Variants in AOAH observed in about 807,000 individuals in gnomAD.
AOAH encodes the protein acyloxyacyl hydrolase (neutrophil).
AOAH carries 64 observed loss-of-function variants against 92.2 expected under a neutral mutation model. That is an observed-to-expected ratio of 0.69 (90% CI 0.57 to 0.86). The LOEUF is 0.86. AOAH is among the 40% of genes least tolerant of loss of function. The probability of loss-of-function intolerance (pLI) is 0.00; values close to 1 mark genes in which losing one functional copy is unlikely to be tolerated. For synonymous variants in AOAH, 263 were observed against 254.5 expected (o/e 1.03, Z -0.32); for missense variants, 656 against 694.6 (o/e 0.94, Z 0.62).
chr7:36,560,258 A>G (rs114416565), intron 13 of AOAH, among the ~76,000 whole-genome samples: 3,629 of 152,230 alleles, frequency 0.024, 134 homozygotes, highest in African/African-American at 0.082. Flanking sequence ...GTTTTTTTAT[A>G]ATTCTGTGAA....
At chr7:36,525,765 A>C (rs192192813) in intron 19 of AOAH, among the ~76,000 whole-genome samples, 1 of 152,340 alleles carries the variant, frequency 6.6e-6, no homozygotes, top group East Asian at 1.9e-4. Context: ...AACATCCCCC[A>C]AAATCCAAAA....
In AOAH at chr7:36,679,476, G is replaced by C. The variant is rs1027594404; in HGVS notation, c.224-5467C>G. The stretch of plus-strand genomic sequence containing the variant: ...ACTCCAAAAGGTCTTGTTATTTGTA[G>C]TATACATTTCAATGTGCTTAGGACA... On this transcript the variant is annotated intron_variant, in intron 2 of 20. Coordinates refer to ENST00000617537, the MANE Select transcript of AOAH (RefSeq NM_001637.4). 2.0e-5 allele frequency among the ~76,000 whole-genome samples: 3 copies of C among 149,754 alleles called. No homozygotes were observed. The East Asian group carries it at 6.0e-4, about 30-fold the overall frequency.
chr7:36,650,769 A>G (rs371988217), intron 4 of AOAH, among the ~76,000 whole-genome samples: 1 of 152,176 alleles, frequency 6.6e-6, no homozygotes, highest in East Asian at 1.9e-4. Context: ...TTTTTACTAA[A>G]CAAATCTTAC....
At chr7:36,685,666 G>T (rs1176436441) in intron 2 of AOAH, among the ~76,000 whole-genome samples, 1 of 152,202 alleles carries the variant, frequency 6.6e-6, no homozygotes, top group Non-Finnish European at 1.5e-5. Flanking sequence ...TTCTAGGGAG[G>T]TGGGGCAGGG....
At chr7:36,620,571 G>A (rs889330097) in intron 9 of AOAH, among the ~76,000 whole-genome samples, 1 of 152,148 alleles carries the variant, frequency 6.6e-6, no homozygotes, top group African/African-American at 2.4e-5. Context: ...GGCTTAAAGG[G>A]GCCATGACTG....
intron 15 of AOAH, among the ~76,000 whole-genome samples, chr7:36,545,532 A>G (rs767481918): frequency 1.3e-5 from 2 of 152,202 alleles, no homozygotes; most frequent in African/African-American, 2.4e-5. Context: ...TCAACTGCCC[A>G]GGGTGTAACC....
chr7:36,623,091 G>A, intron 7 of AOAH, 99 bp downstream of exon 7: 2 of 962,566 alleles, frequency 2.1e-6, no homozygotes, highest in Non-Finnish European at 3.3e-6. Context: ...AATTAATAAT[G>A]CATTCAAATG....
At chr7:36,540,538 G>A in intron 15 of AOAH, 47 bp from the exon 16 acceptor site, 1 of 1,536,582 alleles carries the variant, frequency 6.5e-7, no homozygotes, top group South Asian at 1.2e-5. Context: ...TGTAAGGATA[G>A]ATGCATGCAA....
chr7:36,683,360 T>C (rs1796762190), intron 2 of AOAH, among the ~76,000 whole-genome samples: 1 of 152,172 alleles, frequency 6.6e-6, no homozygotes, highest in African/African-American at 2.4e-5. Context: ...GTGGTGAACA[T>C]TAATCATACA....
At chr7:36,626,315 C>G (rs1792660389) in intron 6 of AOAH, among the ~76,000 whole-genome samples, 1 of 152,182 alleles carries the variant, frequency 6.6e-6, no homozygotes, top group South Asian at 2.1e-4. Flanking sequence ...CCTTTGTTAT[C>G]TTGGGGGTGA....
chr7:36,582,583 T>C (rs10268286), intron 12 of AOAH, among the ~76,000 whole-genome samples: 67,030 of 152,054 alleles, frequency 0.44, 15,012 homozygotes, highest in Admixed American at 0.52. Context: ...CCTAATGCCT[T>C]CCCCCACTGC....
intron 19 of AOAH, among the ~76,000 whole-genome samples, chr7:36,526,592 A>G (rs1784406912): frequency 6.6e-6 from 1 of 152,258 alleles, no homozygotes; most frequent in Admixed American, 6.5e-5. Flanking sequence ...AAATAGACCA[A>G]TGAATTCCTA....
intron 3 of AOAH, 85 bp from the exon 4 acceptor site, chr7:36,659,350 C>A: frequency 8.8e-7 from 1 of 1,142,500 alleles, no homozygotes; most frequent in East Asian, 2.4e-5. Context: ...AGGTAAATCC[C>A]CAGAATGGAT....
At chr7:36,578,262 A>G (rs1405776170) in intron 12 of AOAH, among the ~76,000 whole-genome samples, 1 of 152,230 alleles carries the variant, frequency 6.6e-6, no homozygotes, top group Non-Finnish European at 1.5e-5. Flanking sequence ...AAATTAAAAT[A>G]CATGATCCCT....
At chr7:36,542,394 T>A (rs1260334815) in intron 15 of AOAH, among the ~76,000 whole-genome samples, 2 of 152,168 alleles carry the variant, frequency 1.3e-5, no homozygotes, top group African/African-American at 4.8e-5. Flanking sequence ...GGTACTTTGT[T>A]ATGGCAGCTC....
At chr7:36,692,905 C>T (rs1797497455) in intron 1 of AOAH, among the ~76,000 whole-genome samples, 1 of 152,062 alleles carries the variant, frequency 6.6e-6, no homozygotes, top group African/African-American at 2.4e-5. Context: ...GTGATAGCCT[C>T]TCAGAGGAGC....
intron 16 of AOAH, among the ~76,000 whole-genome samples, chr7:36,536,982 A>T (rs1330489466): frequency 2.1e-5 from 3 of 140,864 alleles, no homozygotes; most frequent in Non-Finnish European, 4.6e-5. Flanking sequence ...AAAAAGAATC[A>T]CACCTTCCTA....
intron 1 of AOAH, among the ~76,000 whole-genome samples, chr7:36,692,195 T>C (rs544360821): frequency 6.6e-6 from 1 of 152,188 alleles, no homozygotes; most frequent in Non-Finnish European, 1.5e-5. Flanking sequence ...AAAATGCACA[T>C]GGTGCCTGGC....
chr7:36,582,398 A>G (rs1460912940), intron 12 of AOAH, among the ~76,000 whole-genome samples: 5 of 152,192 alleles, frequency 3.3e-5, no homozygotes. Context: ...TTCCAGTTTC[A>G]CCAGCTCCTT....
Sources: allele counts gnomAD v4.1 joint callset (sites outside exome capture counted in the v4.1 genomes callset), GRCh38; gene constraint gnomAD v4.1.1; transcripts MANE v1.5; gene names NCBI Gene and HGNC (gene_info 2026-07-23, HGNC 2026-07-21).